FLRT2: variants seen among roughly 807,000 people sequenced by gnomAD.
FLRT2 encodes the protein fibronectin leucine rich transmembrane protein 2, also known as leucine-rich repeat transmembrane protein FLRT2.
Under a neutral mutation model 40.0 loss-of-function variants are expected in FLRT2, and 15 were observed. The ratio of observed to expected loss-of-function variants is 0.38; its 90% CI spans 0.25 to 0.58. The LOEUF (loss-of-function observed/expected upper bound fraction) is 0.58. Ranked by LOEUF, FLRT2 falls within the 20% of genes least tolerant of loss-of-function variation. FLRT2 has a pLI of 0.71. For missense variants in FLRT2, 726 were observed against 840.0 expected (o/e 0.86, Z 1.68); for synonymous variants, 380 against 336.8 (o/e 1.13, Z -1.41).
intron 1 of FLRT2, among the ~76,000 whole-genome samples, chr14:85,530,786 G>T (rs533800865): frequency 1.5e-3 from 229 of 152,170 alleles, no homozygotes; most frequent in African/African-American, 5.1e-3. Flanking sequence ...TGAGTTCTGG[G>T]TCAAAACGCA....
rs142801394 is a variant in FLRT2 at position 85,536,306 on chromosome 14, GTGTGAACA to G, written c.-377+5774_-377+5781del. On this transcript the variant is annotated intron_variant, in intron 1 of 1. Transcript: ENST00000330753. ...AGAAGCTTTATTCTGTAGAGACCCA[GTGTGAACA>G]TCTGATCTAGTTTGACTCTTGAGCT... 9.1e-3 allele frequency among the ~76,000 whole-genome samples: 1,383 copies of G among 152,222 alleles called. 19 individuals are homozygous for G. Among genetic ancestry groups the G allele is most frequent in the African/African-American group, 0.032 (1,309 of 41,528 alleles).
chr14:85,535,673 G>A (rs952815752), intron 1 of FLRT2, among the ~76,000 whole-genome samples: 1 of 149,180 alleles, frequency 6.7e-6, no homozygotes, highest in African/African-American at 2.4e-5. Flanking sequence ...AAACAGGATA[G>A]GGTTAAACCA....
Position 85,640,260 on chromosome 14 carries a change from G to A in FLRT2, c.*16763G>A, listed in dbSNP as rs1474306343. ...GATAAAGCAAAGGAAATCTGGAAAT[G>A]GCCAACCTGAATACTTTATTTCCAA... is the stretch of plus-strand genomic sequence containing the variant. On this transcript the variant is annotated 3_prime_UTR_variant, in exon 2 of 2. Transcript: ENST00000330753. 6.6e-6 allele frequency: 1 copy of A among 152,152 alleles called. No individual in the cohort carries two copies. The highest frequency in any genetic ancestry group is 1.9e-4 in the East Asian group (1 of 5,178). The allele number at this position is 152,152 out of a possible 1,614,324, so 9.4% of individuals were successfully genotyped here.
At chr14:85,551,683 T>C (rs1276209282) in intron 1 of FLRT2, 1 of 152,132 alleles carries the variant, frequency 6.6e-6, no homozygotes, top group African/African-American at 2.4e-5. Flanking sequence ...TTAAGATTTA[T>C]TGTATTTTAG....
At chr14:85,605,196 C>A (rs1226096155) in intron 1 of FLRT2, among the ~76,000 whole-genome samples, 1 of 152,136 alleles carries the variant, frequency 6.6e-6, no homozygotes, top group Non-Finnish European at 1.5e-5. Flanking sequence ...TTTAGGGAGC[C>A]CAGAGTTTTG....
intron 1 of FLRT2, among the ~76,000 whole-genome samples, chr14:85,535,122 T>A (rs1888566865): frequency 6.6e-6 from 1 of 152,222 alleles, no homozygotes. Context: ...ATGCAAAGCC[T>A]CTTCTAAATG....
chr14:85,637,899 A>G lies in FLRT2; in HGVS notation c.*14402A>G, dbSNP rs1894047477. The stretch of plus-strand genomic sequence containing the variant: ...GAACCCATATAGTAGTGTCATTTAA[A>G]GGGAATTTAAATTCTCTCTTGTCCT... On this transcript the variant is annotated 3_prime_UTR_variant, in exon 2 of 2. Transcript: ENST00000330753. 1 of 152,180 alleles carries G rather than the reference A, an allele frequency of 6.6e-6. No individual in the cohort carries two copies. Among genetic ancestry groups the G allele is most frequent in the Non-Finnish European group, 1.5e-5 (1 of 68,030 alleles). The allele number at this position is 152,180 out of a possible 1,614,324, so 9.4% of individuals were successfully genotyped here.
intron 1 of FLRT2, among the ~76,000 whole-genome samples, chr14:85,616,066 A>T (rs1255521452): frequency 6.6e-6 from 1 of 152,190 alleles, no homozygotes; most frequent in Non-Finnish European, 1.5e-5. Context: ...ACAATAAAGT[A>T]GCCTGGAATA....
Position 85,622,973 on chromosome 14 carries a change from T to A in FLRT2, c.1459T>A (p.Ser487Thr), listed in dbSNP as rs1256274695. 3.1e-6 allele frequency: 5 copies of A among 1,614,162 alleles called. No individual in the cohort carries two copies. In the South Asian group the frequency reaches 5.5e-5, roughly 18 times the overall value. The change falls in exon 2 of 2, where the codon TCC becomes ACC. Residue 487 changes from serine (S) to threonine (T), a missense_variant. Around this residue, in one of 3 missense-constraint regions of FLRT2, gnomAD observed 611 missense variants for 690.0 expected, o/e 0.89. Transcript: ENST00000330753. ...HLSLVNLEPRSTYRICLVPLD... is the reference protein window; with the variant it reads ...HLSLVNLEPRTTYRICLVPLD... The stretch of plus-strand genomic sequence containing the variant: ...GAGCCTGGTTAACTTAGAGCCCCGA[T>A]CCACCTATCGGATTTGTTTAGTGCC...
chr14:85,611,360 T>C (rs778566001), intron 1 of FLRT2, among the ~76,000 whole-genome samples: 18 of 152,230 alleles, frequency 1.2e-4, no homozygotes, highest in Admixed American at 7.9e-4. Context: ...TGGTTTGGAA[T>C]GTTTACCAAA....
intron 1 of FLRT2, among the ~76,000 whole-genome samples, chr14:85,611,545 C>T (rs1892861679): frequency 6.6e-6 from 1 of 152,074 alleles, no homozygotes; most frequent in African/African-American, 2.4e-5. Flanking sequence ...TTTCCTTGAC[C>T]TGTTTCTAGA....
chr14:85,567,208 C>T (rs1566731877), intron 1 of FLRT2, among the ~76,000 whole-genome samples: 1 of 152,266 alleles, frequency 6.6e-6, no homozygotes, highest in East Asian at 1.9e-4. Flanking sequence ...TGACATGTCC[C>T]CCTCAGAATC....
chr14:85,610,214 T>A (rs993021614), intron 1 of FLRT2, among the ~76,000 whole-genome samples: 5 of 152,132 alleles, frequency 3.3e-5, no homozygotes, highest in African/African-American at 9.7e-5. Context: ...TAAAGAGAAT[T>A]TGAGACAGGT....
At chr14:85,568,065 A>G (rs1210170055) in intron 1 of FLRT2, among the ~76,000 whole-genome samples, 1 of 152,062 alleles carries the variant, frequency 6.6e-6, no homozygotes, top group Non-Finnish European at 1.5e-5. Context: ...AGGCCTGACT[A>G]CTTATTTGGA....
intron 1 of FLRT2, among the ~76,000 whole-genome samples, chr14:85,565,681 T>C (rs535160981): frequency 7.2e-5 from 11 of 152,202 alleles, no homozygotes; most frequent in Non-Finnish European, 1.3e-4. Context: ...AAATAAAAGT[T>C]GGCATTTCGA....
chr14:85,551,151 G>T (rs1316041942), intron 1 of FLRT2, among the ~76,000 whole-genome samples: 2 of 152,200 alleles, frequency 1.3e-5, no homozygotes, highest in Non-Finnish European at 2.9e-5. Context: ...TAGCTTAGAA[G>T]TGATTCTGAT....
intron 1 of FLRT2, among the ~76,000 whole-genome samples, chr14:85,589,658 G>A (rs1891791976): frequency 6.6e-6 from 1 of 152,136 alleles, no homozygotes; most frequent in South Asian, 2.1e-4. Context: ...CTGTGCTTGT[G>A]GGGTATTGAT....
intron 1 of FLRT2, among the ~76,000 whole-genome samples, chr14:85,545,554 A>T (rs899013494): frequency 6.6e-6 from 1 of 152,238 alleles, no homozygotes; most frequent in Non-Finnish European, 1.5e-5. Context: ...CCAGTGGTCC[A>T]ACTTTCTATA....
Position 85,636,409 on chromosome 14 carries a change from CAAA to C in FLRT2, c.*12916_*12918del, listed in dbSNP as rs1251468574. The C allele has an allele frequency of 1.2e-5, 1 of 84,934 alleles. No homozygotes were observed. Among genetic ancestry groups the C allele is most frequent in the Non-Finnish European group, 2.5e-5 (1 of 39,814 alleles). The allele number at this position is 84,934 out of a possible 1,614,324, so 5.3% of individuals were successfully genotyped here. A position where few individuals can be genotyped will look rare whatever the true frequency, so the allele number is the denominator to read the frequency against. On this transcript the variant is annotated 3_prime_UTR_variant, in exon 2 of 2. Transcript: ENST00000330753. ...CCTGCAGAAAAAAAAAAAAAAAAAA[CAAA>C]AAACATTCTTATTAATCTTAACTAA... is the stretch of plus-strand genomic sequence containing the variant.
Sources: gnomAD v4.1 joint callset for allele counts (sites outside exome capture counted in the v4.1 genomes callset) on GRCh38, gnomAD v4.1.1 for gene constraint, gnomAD v4.1.1 regional missense constraint, MANE v1.5 for transcripts, NCBI Gene and HGNC (gene_info 2026-07-23, HGNC 2026-07-21) for gene names.